The following NOC4L variants were observed in gnomAD, a reference collection of about 807,000 sequenced individuals.
NOC4L encodes the protein nucleolar complex protein 4 homolog.
Under a neutral mutation model 62.8 loss-of-function variants are expected in NOC4L, and 40 were observed. That is an observed-to-expected ratio of 0.64 (90% confidence interval 0.49 to 0.83). The LOEUF (loss-of-function observed/expected upper bound fraction) is 0.83, where lower values mean the gene tolerates loss of function less well. NOC4L is among the 40% of genes least tolerant of loss of function. NOC4L has a pLI of 0.00. For missense variants in NOC4L, 927 were observed against 701.9 expected, an observed-to-expected ratio of 1.32 and a Z score of -3.62; for synonymous variants, 433 against 299.8, an observed-to-expected ratio of 1.44 and a Z score of -4.59.
chr12:132,146,152 C>T (rs977354133), intron 3 of NOC4L: 4 of 437,386 alleles, frequency 9.1e-6, no homozygotes, highest in African/African-American at 6.1e-5. Context: ...CCATCGCTTC[C>T]ATATCCCGCC....
Position 132,148,052 on chromosome 12 carries a change from T to C in NOC4L, c.704-20T>C. The C allele has an allele frequency of 6.2e-7, 1 of 1,613,540 alleles. No individual in the cohort carries two copies. Among genetic ancestry groups the C allele is most frequent in the Non-Finnish European group, 8.5e-7 (1 of 1,179,982 alleles). ...CCTCCCCTGCGGGTCAGGTGACCTT[T>C]GCCCTCGCTTTCCCTGCAGAGCTGT... On this transcript the variant is annotated intron_variant, in intron 6 of 14. Transcript: ENST00000330579.
chr12:132,144,737 G>A (rs1897642032), intron 1 of NOC4L, 117 bp from the exon 2 acceptor site: 2 of 1,471,086 alleles, frequency 1.4e-6, no homozygotes, highest in Admixed American at 4.3e-5. Flanking sequence ...TGTGGGTCAC[G>A]GGTCGGGGGT....
chr12:132,146,890 TTCCAAGCCTGGG>T (rs1242987359), intron 3 of NOC4L, among the ~76,000 whole-genome samples: 2 of 152,068 alleles, frequency 1.3e-5, no homozygotes, highest in African/African-American at 4.8e-5. Flanking sequence ...AGATGAGAGC[TTCCAAGCCTGGG>T]TCTGAGTTGG....
intron 10 of NOC4L, 28 bp downstream of exon 10, chr12:132,151,069 C>T (rs199878216): frequency 8.2e-6 from 13 of 1,593,008 alleles, no homozygotes; most frequent in Middle Eastern, 1.7e-4. Flanking sequence ...TGCAGGTCTT[C>T]TTCCCAGTCT....
Position 132,147,315 on chromosome 12 carries a change from A to G in NOC4L, c.380A>G (p.Gln127Arg). The G allele has an allele frequency of 6.3e-7, 1 of 1,585,628 alleles. No individual in the cohort carries two copies. The highest frequency in any genetic ancestry group is 2.3e-5 in the East Asian group (1 of 43,522). The change falls in exon 4 of 15, where the codon CAG becomes CGG. Residue 127 changes from glutamine to arginine, a missense_variant. Physicochemically the swap from Gln to Arg is conservative, Grantham distance 43. Transcript: ENST00000330579. ...CTCAGCGCACTCCTGAAGTTCGTGC[A>G]GCTGGAAGGAGCGCACCCCCTGGAG... ...LALSALLKFVQLEGAHPLEKS... is the reference protein window; with the variant it reads ...LALSALLKFVRLEGAHPLEKS...
At chr12:132,152,224 G>C in intron 14 of NOC4L, 27 bp downstream of exon 14, 1 of 1,606,616 alleles carries the variant, frequency 6.2e-7, no homozygotes, top group South Asian at 1.1e-5. Context: ...GGGTGCGAGG[G>C]TCTGGGCCAC....
At chr12:132,150,917 G>T in intron 9 of NOC4L, 64 bp from the exon 10 acceptor site, 2 of 1,221,336 alleles carry the variant, frequency 1.6e-6, no homozygotes, top group East Asian at 2.3e-5. Context: ...TACACTCAGT[G>T]TGGGCAGGGG....
chr12:132,145,964 C>T (rs1897702693), intron 3 of NOC4L, among the ~76,000 whole-genome samples: 1 of 152,224 alleles, frequency 6.6e-6, no homozygotes. Context: ...TCAGATCACA[C>T]TGTGGTCTGC....
chr12:132,151,879 A>G (rs1872983840), intron 13 of NOC4L, 59 bp downstream of exon 13: 13 of 1,534,942 alleles, frequency 8.5e-6, no homozygotes, highest in Non-Finnish European at 1.2e-5. Flanking sequence ...CCCCTCAGAA[A>G]GCCCAGCTCC....
intron 7 of NOC4L, among the ~76,000 whole-genome samples, chr12:132,148,315 C>T (rs916131994): frequency 5.3e-5 from 8 of 152,324 alleles, no homozygotes; most frequent in South Asian, 2.1e-4. Flanking sequence ...AGGCCACCGC[C>T]GCCTCTTGGA....
At position 132,150,985 on chromosome 12, in the gene NOC4L, G is replaced by C. The variant is rs139013195; in HGVS notation, c.906G>C (p.Gly302=). 2.2e-5 allele frequency: 35 copies of C among 1,608,178 alleles called. No individual in the cohort carries two copies. Among genetic ancestry groups the C allele is most frequent in the Non-Finnish European group, 2.9e-5 (34 of 1,177,696 alleles). ...DFLTRACDLG[G]ALSLLALNGL... is the part of the protein sequence containing the mutation. Reference sequence around the variant, plus strand: ...CCTGTGTCTGTCTGTCTGCAGGGGGGGCCCTCAGCCTCTTGGCCTTGAACG... The same window carrying C: ...CCTGTGTCTGTCTGTCTGCAGGGGGCGCCCTCAGCCTCTTGGCCTTGAACG... The change falls in exon 10 of 15, where the codon GGG becomes GGC. Residue 302 remains glycine, a synonymous_variant. Coordinates refer to ENST00000330579, the MANE Select transcript of NOC4L (RefSeq NM_024078.3).
intron 14 of NOC4L, 30 bp from the exon 15 acceptor site, chr12:132,152,252 C>T (rs1565962505): frequency 1.1e-5 from 17 of 1,592,188 alleles, no homozygotes; most frequent in African/African-American, 1.3e-5. Context: ...TGAGCCAAGC[C>T]TGAGAGCCGC....
In NOC4L at chr12:132,144,908, G is replaced by C. The variant is rs151228906; in HGVS notation, c.172G>C (p.Gly58Arg). 17 of 1,601,912 alleles carry C rather than the reference G, an allele frequency of 1.1e-5. No individual in the cohort carries two copies. Among genetic ancestry groups the C allele is most frequent in the Non-Finnish European group, 1.4e-5 (17 of 1,175,536 alleles). Residue 58 changes from glycine to arginine, a missense_variant, in exon 2 of 15, where the codon GGG (glycine) becomes CGG (arginine). Gly to Arg is a moderately radical substitution (Grantham distance 125). Transcript: ENST00000330579. ...AGTCCGCACGTGCAGCCGTCTTTTC[G>C]GGGCCTTGCTGGAGCGGGGAGAGCT... ...EAVRTCSRLF[G>R]ALLERGELFV...
At chr12:132,149,115 GGTGAGTGCCGCCGC>G (rs1897859550) in intron 9 of NOC4L, among the ~76,000 whole-genome samples, 3 of 39,294 alleles carry the variant, frequency 7.6e-5, no homozygotes, top group Middle Eastern at 0.028. Flanking sequence ...TAATCCCCTC[GGTGAGTGCCGCCGC>G]CTCACTCCTA....
chr12:132,147,042 C>T (rs1027980604), intron 3 of NOC4L, among the ~76,000 whole-genome samples: 1 of 152,208 alleles, frequency 6.6e-6, no homozygotes, highest in Non-Finnish European at 1.5e-5. Flanking sequence ...TGTACCCTTC[C>T]CCCGCCAGAC....
intron 11 of NOC4L, 31 bp downstream of exon 11, chr12:132,151,399 C>G (rs373282032): frequency 1.9e-6 from 3 of 1,603,896 alleles, no homozygotes; most frequent in Non-Finnish European, 2.5e-6. Flanking sequence ...CTCTGCCCTG[C>G]TCTGTGCGGC....
At chr12:132,145,739 T>G in intron 3 of NOC4L, 74 bp downstream of exon 3, 1 of 1,051,136 alleles carries the variant, frequency 9.5e-7, no homozygotes, top group Non-Finnish European at 1.4e-6. Flanking sequence ...AAAGCAGAGG[T>G]CTGGGGCTCC....
intron 2 of NOC4L, among the ~76,000 whole-genome samples, chr12:132,145,279 T>A (rs1351772521): frequency 6.6e-6 from 1 of 151,542 alleles, no homozygotes; most frequent in Admixed American, 6.6e-5. Flanking sequence ...TATGTCCCCA[T>A]CCTGGGGACG....
intron 13 of NOC4L, 33 bp downstream of exon 13, chr12:132,151,853 C>T (rs1221425245): frequency 6.3e-7 from 1 of 1,595,804 alleles, no homozygotes; most frequent in Non-Finnish European, 8.6e-7. Context: ...CTGGGGCCTC[C>T]CGAGCCATCC....
Sources: gnomAD v4.1 joint callset for allele counts (sites outside exome capture counted in the v4.1 genomes callset) on GRCh38, gnomAD v4.1.1 for gene constraint, MANE v1.5 for transcripts, NCBI Gene and HGNC (gene_info 2026-07-23, HGNC 2026-07-21) for gene names.